The following KCNJ6 variants were observed in gnomAD, a reference collection of about 807,000 sequenced individuals.
KCNJ6 encodes G protein-activated inward rectifier potassium channel 2.
Under a neutral mutation model 34.2 loss-of-function variants are expected in KCNJ6, and 9 were observed. The observed-to-expected ratio is 0.26, with a 90% CI of 0.16 to 0.46. The LOEUF is 0.46. Among genes scored for constraint, KCNJ6 ranks in the 20% least tolerant of loss-of-function variants. The pLI is 1.00. For synonymous variants in KCNJ6, 196 were observed against 207.1 expected (o/e 0.95, Z 0.46); for missense variants, 236 against 531.3 (o/e 0.44, Z 5.46).
At chr21:37,824,864 C>T (rs960351861) in intron 2 of KCNJ6, among the ~76,000 whole-genome samples, 16 of 152,030 alleles carry the variant, frequency 1.1e-4, no homozygotes, top group East Asian at 1.9e-4. Context: ...AGTGTGAGAA[C>T]GGGGAGGATC....
intron 1 of KCNJ6, among the ~76,000 whole-genome samples, chr21:37,909,936 A>T (rs1409384500): frequency 6.6e-6 from 1 of 152,148 alleles, no homozygotes; most frequent in Non-Finnish European, 1.5e-5. Context: ...CCCATTGATC[A>T]TTGACACTGA....
At chr21:37,842,308 G>A (rs1353528067) in intron 1 of KCNJ6, among the ~76,000 whole-genome samples, 1 of 152,182 alleles carries the variant, frequency 6.6e-6, no homozygotes, top group Non-Finnish European at 1.5e-5. Flanking sequence ...CTGGTACAAT[G>A]CTGAGTACAG....
chr21:37,903,094 TTC>T (rs1348418156), intron 1 of KCNJ6, among the ~76,000 whole-genome samples: 1 of 152,164 alleles, frequency 6.6e-6, no homozygotes, highest in African/African-American at 2.4e-5. Context: ...ACTCAGTGTT[TTC>T]TCTTTCTTTG....
At chr21:37,808,081 T>G (rs907864432) in intron 2 of KCNJ6, among the ~76,000 whole-genome samples, 1 of 152,220 alleles carries the variant, frequency 6.6e-6, no homozygotes, top group Non-Finnish European at 1.5e-5. Context: ...TAGCCACACC[T>G]CTACTATAGG....
intron 2 of KCNJ6, among the ~76,000 whole-genome samples, chr21:37,719,871 TCCCCTGGTG>T (rs1378191659): frequency 6.6e-6 from 1 of 152,208 alleles, no homozygotes; most frequent in Admixed American, 6.5e-5. Flanking sequence ...CAGGGAAGCC[TCCCCTGGTG>T]GCCCTGGTCT....
intron 3 of KCNJ6, among the ~76,000 whole-genome samples, chr21:37,649,327 C>T (rs994097179): frequency 2.0e-5 from 3 of 152,104 alleles, no homozygotes; most frequent in Non-Finnish European, 2.9e-5. Context: ...CTGCCTCTTT[C>T]CTCTGAGGCC....
rs967454853 is a variant in KCNJ6 at position 37,649,598 on chromosome 21, C to A, written c.947-24114G>T. On this transcript the variant is annotated intron_variant, in intron 3 of 3. Transcript: ENST00000609713. ...GCGATGTAGCCAGACCCCGCATCAC[C>A]TTTGCTAGGCTGTGCCTTGCTGACA... Among the ~76,000 whole-genome samples, 28 of 152,212 alleles carry A rather than the reference C, an allele frequency of 1.8e-4. 1 individual carries two copies. The highest frequency in any genetic ancestry group is 4.4e-5 in the Non-Finnish European group (3 of 68,044).
At chr21:37,778,896 C>A (rs2055156173) in intron 2 of KCNJ6, among the ~76,000 whole-genome samples, 1 of 151,882 alleles carries the variant, frequency 6.6e-6, no homozygotes, top group Admixed American at 6.6e-5. Flanking sequence ...CACACGCAGC[C>A]CTTTTTTTCT....
chr21:37,731,749 C>T (rs796919220), intron 2 of KCNJ6, among the ~76,000 whole-genome samples: 35 of 152,244 alleles, frequency 2.3e-4, no homozygotes, highest in East Asian at 9.6e-4. Context: ...AATCAAGAAT[C>T]GAGACCACCA....
chr21:37,619,754 G>C lies in KCNJ6; in HGVS notation c.*5405C>G, dbSNP rs2054284433. ...CAGGTCTGGGCTGCTTTGCTGAGCA[G>C]AGACTGGCAGCCTGAGCTATGTACA... On this transcript the variant is annotated 3_prime_UTR_variant, in exon 4 of 4. Coordinates refer to ENST00000609713, the MANE Select transcript of KCNJ6 (RefSeq NM_002240.5). 1 of 152,270 alleles carries C rather than the reference G, an allele frequency of 6.6e-6. No homozygotes were observed. Among genetic ancestry groups the C allele is most frequent in the Non-Finnish European group, 1.5e-5 (1 of 68,078 alleles). 9.4% of individuals were successfully genotyped at this position (152,270 alleles called of 1,614,324 possible). A position where few individuals can be genotyped will look rare whatever the true frequency, so the allele number is the denominator to read the frequency against.
intron 1 of KCNJ6, among the ~76,000 whole-genome samples, chr21:37,879,172 A>G (rs768988333): frequency 2.6e-5 from 4 of 152,164 alleles, no homozygotes; most frequent in Non-Finnish European, 5.9e-5. Context: ...GTCATGCATG[A>G]GACATATTCC....
intron 2 of KCNJ6, among the ~76,000 whole-genome samples, chr21:37,745,616 A>G (rs1215473077): frequency 6.6e-6 from 1 of 152,218 alleles, no homozygotes; most frequent in Non-Finnish European, 1.5e-5. Flanking sequence ...AAGTCAATGC[A>G]TTTGTGATAT....
At chr21:37,811,707 G>A (rs2055323572) in intron 2 of KCNJ6, among the ~76,000 whole-genome samples, 1 of 152,016 alleles carries the variant, frequency 6.6e-6, no homozygotes, top group African/African-American at 2.4e-5. Flanking sequence ...AGTGGAATAT[G>A]CCATAAAACT....
chr21:37,654,305 C>T (rs1225930241), intron 3 of KCNJ6, among the ~76,000 whole-genome samples: 1 of 151,942 alleles, frequency 6.6e-6, no homozygotes, highest in East Asian at 1.9e-4. Context: ...TGGACACCCA[C>T]ACACCTCAGT....
chr21:37,734,977 C>G (rs531112061), intron 2 of KCNJ6, among the ~76,000 whole-genome samples: 1 of 152,252 alleles, frequency 6.6e-6, no homozygotes, highest in South Asian at 2.1e-4. Context: ...GATGGGCACA[C>G]CCCCACTATG....
intron 1 of KCNJ6, among the ~76,000 whole-genome samples, chr21:37,850,662 G>A (rs776453945): frequency 6.6e-6 from 1 of 152,028 alleles, no homozygotes; most frequent in South Asian, 2.1e-4. Context: ...TAATCACCCG[G>A]CCCAGCAGCT....
intron 2 of KCNJ6, among the ~76,000 whole-genome samples, chr21:37,785,260 G>A (rs1337102407): frequency 6.6e-6 from 1 of 152,208 alleles, no homozygotes; most frequent in East Asian, 1.9e-4. Flanking sequence ...TGCCCAAGAA[G>A]TGGGAGGACC....
intron 2 of KCNJ6, among the ~76,000 whole-genome samples, chr21:37,761,233 G>A (rs1482998042): frequency 1.3e-5 from 2 of 151,514 alleles, no homozygotes; most frequent in Non-Finnish European, 2.9e-5. Context: ...ATGTCTGTGT[G>A]TGTGGTGTGT....
At chr21:37,663,103 A>T (rs2054497519) in intron 3 of KCNJ6, among the ~76,000 whole-genome samples, 4 of 152,194 alleles carry the variant, frequency 2.6e-5, no homozygotes, top group Admixed American at 6.5e-5. Context: ...GATGAAATGG[A>T]AATAAAAGTT....
Sources: gnomAD v4.1 joint callset for allele counts (sites outside exome capture counted in the v4.1 genomes callset) on GRCh38, gnomAD v4.1.1 for gene constraint, MANE v1.5 for transcripts, NCBI Gene and HGNC (gene_info 2026-07-23, HGNC 2026-07-21) for gene names.